AXDND1: variants seen among roughly 807,000 people sequenced by gnomAD.
The protein encoded by AXDND1 is axonemal dynein light chain domain-containing protein 1.
AXDND1 carries 110 observed loss-of-function variants against 137.5 expected under a neutral mutation model. The ratio of observed to expected loss-of-function variants is 0.80; its 90% CI spans 0.69 to 0.94. The LOEUF (loss-of-function observed/expected upper bound fraction) is 0.94. AXDND1 is among the 40% of genes least tolerant of loss of function. The pLI is 0.00. For synonymous variants in AXDND1, 414 were observed against 399.7 expected (o/e 1.04, Z -0.43); for missense variants, 1,191 against 1,169.8 (o/e 1.02, Z -0.26).
At chr1:179,551,047 G>T (rs544758616) in intron 25 of AXDND1, 7 of 1,141,002 alleles carry the variant, frequency 6.1e-6, no homozygotes, top group South Asian at 1.3e-5. Context: ...TTGTGACTTC[G>T]TGCATTCCAT....
At chr1:179,404,861 C>A (rs531832442) in intron 11 of AXDND1, among the ~76,000 whole-genome samples, 2 of 150,180 alleles carry the variant, frequency 1.3e-5, no homozygotes, top group South Asian at 4.2e-4. Context: ...GTGTACAATT[C>A]AGCAGTAAAG....
intron 6 of AXDND1, among the ~76,000 whole-genome samples, chr1:179,380,133 C>CCGCTTGGG (rs1434344232): frequency 6.6e-6 from 1 of 151,794 alleles, no homozygotes. Context: ...CCTGTAGTCC[C>CCGCTTGGG]AGCTGCTTGG....
intron 11 of AXDND1, among the ~76,000 whole-genome samples, chr1:179,407,460 C>T (rs546237600): frequency 1.4e-4 from 22 of 152,194 alleles, no homozygotes; most frequent in Non-Finnish European, 2.4e-4. Context: ...CTCCTGACCT[C>T]GTGATCTGCC....
intron 20 of AXDND1, among the ~76,000 whole-genome samples, chr1:179,505,647 C>CA (rs796584155): frequency 0.011 from 1,244 of 111,288 alleles, 11 homozygotes; most frequent in African/African-American, 0.034. Context: ...AACTCCATCT[C>CA]AAAAAAAAAA....
At chr1:179,522,779 C>A (rs1048282209) in intron 21 of AXDND1, among the ~76,000 whole-genome samples, 5 of 128,056 alleles carry the variant, frequency 3.9e-5, no homozygotes, top group Non-Finnish European at 5.4e-5. Context: ...TATTTTATAG[C>A]AAGAATGTTA....
chr1:179,524,516 C>T (rs1003287974), intron 21 of AXDND1, among the ~76,000 whole-genome samples: 7 of 152,174 alleles, frequency 4.6e-5, no homozygotes, highest in South Asian at 4.1e-4. Context: ...CTAATCTGAA[C>T]TCATCTCTCT....
intron 11 of AXDND1, among the ~76,000 whole-genome samples, chr1:179,399,309 C>G (rs1413043263): frequency 6.6e-6 from 1 of 152,014 alleles, no homozygotes; most frequent in Non-Finnish European, 1.5e-5. Context: ...ACAAAGCAAA[C>G]AAAAACATAA....
intron 25 of AXDND1, among the ~76,000 whole-genome samples, chr1:179,541,239 G>C (rs900290263): frequency 2.0e-5 from 3 of 152,172 alleles, no homozygotes; most frequent in Admixed American, 6.5e-5. Context: ...GTCTCTCATG[G>C]CTTCCCTTGG....
At chr1:179,541,479 GTT>G (rs772571440) in intron 25 of AXDND1, among the ~76,000 whole-genome samples, 4 of 139,752 alleles carry the variant, frequency 2.9e-5, no homozygotes, top group Admixed American at 7.1e-5. Flanking sequence ...ATCCGTTTTT[GTT>G]TTTTTTTTTT....
chr1:179,444,832 C>A, intron 15 of AXDND1, 138 bp from the exon 16 acceptor site: 1 of 532,948 alleles, frequency 1.9e-6, no homozygotes, highest in Non-Finnish European at 3.3e-6. Context: ...TGTCATATAC[C>A]ATCTCTTTGG....
chr1:179,398,507 G>A (rs1651420731), intron 11 of AXDND1, among the ~76,000 whole-genome samples: 1 of 152,194 alleles, frequency 6.6e-6, no homozygotes, highest in Non-Finnish European at 1.5e-5. Context: ...TTGTGGGGGT[G>A]CATTCTCATT....
chr1:179,378,032 T>C (rs1301101069), intron 4 of AXDND1, among the ~76,000 whole-genome samples: 1 of 151,960 alleles, frequency 6.6e-6, no homozygotes, highest in South Asian at 2.1e-4. Context: ...TAGCCAGACA[T>C]GATGGCACGT....
intron 17 of AXDND1, among the ~76,000 whole-genome samples, chr1:179,479,559 C>T (rs1192028860): frequency 4.6e-5 from 7 of 150,960 alleles, no homozygotes; most frequent in African/African-American, 9.8e-5. Flanking sequence ...GGGCGGATCA[C>T]GAGGTCAGGA....
At chr1:179,383,604 C>A in intron 8 of AXDND1, 60 bp downstream of exon 8, 5 of 1,309,172 alleles carry the variant, frequency 3.8e-6, no homozygotes, top group Non-Finnish European at 5.5e-6. Context: ...AGGCAGATTG[C>A]CTAGGTTAGA....
At chr1:179,490,265 A>G (rs1553293173) in intron 18 of AXDND1, among the ~76,000 whole-genome samples, 1 of 152,192 alleles carries the variant, frequency 6.6e-6, no homozygotes, top group Non-Finnish European at 1.5e-5. Context: ...GAAACTGGTA[A>G]GTCTTCTCAG....
At position 179,554,152 on chromosome 1, in the gene AXDND1, G is replaced by A. The variant is rs530572854; in HGVS notation, c.3032-360G>A. Among the ~76,000 whole-genome samples the A allele has an allele frequency of 3.9e-5, 6 of 152,232 alleles. 1 individual carries two copies. Among genetic ancestry groups the A allele is most frequent in the Middle Eastern group, 6.8e-3 (2 of 294 alleles). On this transcript the variant is annotated intron_variant, in intron 25 of 25. Transcript: ENST00000367618. The stretch of plus-strand genomic sequence containing the variant: ...TGGTCTCAAACTCCTGACCTCAAGC[G>A]ATCCACCCACCTTGGCATCCCAGAG...
chr1:179,505,546 G>GT (rs1418676305), intron 20 of AXDND1, among the ~76,000 whole-genome samples: 1 of 151,868 alleles, frequency 6.6e-6, no homozygotes, highest in African/African-American at 2.4e-5. Flanking sequence ...TACTCAGGAG[G>GT]TTGAGGCAGG....
intron 16 of AXDND1, among the ~76,000 whole-genome samples, chr1:179,464,129 T>C (rs1328204018): frequency 6.6e-6 from 1 of 152,202 alleles, no homozygotes; most frequent in Non-Finnish European, 1.5e-5. Context: ...TTAAGGTTAA[T>C]ATTATGTGTG....
In AXDND1 at chr1:179,535,739, A is replaced by C. The variant is rs539534726; in HGVS notation, c.3031+777A>C. Among the ~76,000 whole-genome samples, 17 of 152,308 alleles carry C rather than the reference A, an allele frequency of 1.1e-4. No individual in the cohort carries two copies. The South Asian group carries it at 3.5e-3, about 32-fold the overall frequency. ...TTTATAATCCTTTGGGTATATACCC[A>C]GTAATGGGATTGCTGGGTCAAATGG... On this transcript the variant is annotated intron_variant, in intron 25 of 25. Coordinates refer to ENST00000367618, the MANE Select transcript of AXDND1 (RefSeq NM_144696.6).
Sources: gnomAD v4.1 joint callset for allele counts (sites outside exome capture counted in the v4.1 genomes callset) on GRCh38, gnomAD v4.1.1 for gene constraint, MANE v1.5 for transcripts, NCBI Gene and HGNC (gene_info 2026-07-23, HGNC 2026-07-21) for gene names.